The following MUC17 variants were observed in gnomAD, a reference collection of about 807,000 sequenced individuals.
The protein encoded by MUC17 is mucin-17.
A neutral mutation model predicts 170.3 loss-of-function variants in MUC17; 190 were observed. That is an observed-to-expected ratio of 1.12 (90% CI 0.99 to 1.26). MUC17 has a LOEUF of 1.26. Ranked by LOEUF, MUC17 falls within the 50% of genes most tolerant of loss-of-function variation. The probability of loss-of-function intolerance (pLI) is 0.00; values close to 1 mark genes in which losing one functional copy is unlikely to be tolerated. For synonymous variants in MUC17, 2,325 were observed against 2,002.5 expected, an observed-to-expected ratio of 1.16 and a Z score of -4.30; for missense variants, 6,415 against 5,530.0, an observed-to-expected ratio of 1.16 and a Z score of -5.08.
chr7:101,056,126 T>A, intron 11 of MUC17, 68 bp from the exon 12 acceptor site: 1 of 1,606,662 alleles, frequency 6.2e-7, no homozygotes, highest in Non-Finnish European at 8.5e-7. Flanking sequence ...CAGATGGGAT[T>A]AAAGGGAGAG....
In MUC17 at chr7:101,041,944, T is replaced by C. The variant is rs773238821; in HGVS notation, c.10528T>C (p.Ser3510Pro). The change falls in exon 3 of 13, where the codon TCA (serine) becomes CCA (proline). Residue 3510 changes from serine to proline, a missense_variant. Transcript: ENST00000306151. ...TTAEVTSMPT[S>P]TAGEGSTPLT... ...TGCTGAAGTTACCAGCATGCCAACA[T>C]CAACTGCTGGTGAAGGAAGCACTCC... 1.2e-6 allele frequency: 2 copies of C among 1,612,942 alleles called. No homozygotes were observed. The highest frequency in any genetic ancestry group is 1.3e-5 in the African/African-American group (1 of 74,494).
intron 12 of MUC17, among the ~76,000 whole-genome samples, chr7:101,057,238 C>T (rs1795061838): frequency 6.6e-6 from 1 of 152,184 alleles, no homozygotes; most frequent in Non-Finnish European, 1.5e-5. Context: ...GTGACCACTC[C>T]TTGATCACTG....
At chr7:101,027,589 C>CT (rs1272915521) in intron 1 of MUC17, among the ~76,000 whole-genome samples, 1 of 152,046 alleles carries the variant, frequency 6.6e-6, no homozygotes, top group Non-Finnish European at 1.5e-5. Flanking sequence ...CTTCATGTGT[C>CT]TTGTGTTTGG....
In MUC17 at chr7:101,031,191, T is replaced by C; in HGVS notation, c.154T>C (p.Cys52Arg). The change falls in exon 2 of 13, where the codon TGC (cysteine) becomes CGC (arginine). Residue 52 changes from cysteine (C) to arginine (R), a missense_variant. Transcript: ENST00000306151. ...ISQGDVLNRQ[C>R]QQLSQHVRTG... ...CCAAGGGGACGTCTTGAACCGTCAG[T>C]GCCAGCAGCTGTCTCAGCACGTTAG... 1 of 1,613,686 alleles carries C rather than the reference T, an allele frequency of 6.2e-7. No homozygotes were observed. The highest frequency in any genetic ancestry group is 1.1e-5 in the South Asian group (1 of 90,936).
chr7:101,043,817 C>T lies in MUC17; in HGVS notation c.12401C>T (p.Thr4134Ile), dbSNP rs1244274811. Reference sequence around the variant, plus strand: ...ACTCCTACTGTGCCAAGAACCACAACATGTAAGTGATTTCTTGAATTTTCC... The same window carrying T: ...ACTCCTACTGTGCCAAGAACCACAATATGTAAGTGATTTCTTGAATTTTCC... ...TSTPTVPRTT[T>I]CFGDGCQNTA... The change falls in exon 3 of 13, where the codon ACA becomes ATA. Residue 4134 changes from threonine (T) to isoleucine (I), a missense_variant and splice_region_variant. Coordinates refer to ENST00000306151, the MANE Select transcript of MUC17 (RefSeq NM_001040105.2). 6.3e-7 allele frequency: 1 copy of T among 1,583,024 alleles called. No homozygotes were observed. Among genetic ancestry groups the T allele is most frequent in the African/African-American group, 1.4e-5 (1 of 73,372 alleles).
Position 101,031,681 on chromosome 7 carries a change from C to A in MUC17, c.265C>A (p.Pro89Thr), listed in dbSNP as rs762702452. 3 of 1,602,298 alleles carry A rather than the reference C, an allele frequency of 1.9e-6. No individual in the cohort carries two copies. Among genetic ancestry groups the A allele is most frequent in the South Asian group, 1.1e-5 (1 of 89,208 alleles). ...PRMYLSCSTN[P>T]EMTSIESSVT... ...AATGTATTTGAGTTGCAGCACCAAC[C>A]CTGAGATGACCTCGATTGAGTCCAG... The change falls in exon 3 of 13, where the codon CCT becomes ACT. Residue 89 changes from proline (P) to threonine (T), a missense_variant. Physicochemically the swap from Pro to Thr is conservative, Grantham distance 38. Transcript: ENST00000306151.
In MUC17 at chr7:101,048,116, G is replaced by T. The variant is rs758740042; in HGVS notation, c.12535+1G>T. On this transcript the variant is annotated splice_donor_variant, in intron 4 of 12. Transcript: ENST00000306151. LOFTEE classifies it high-confidence loss of function. ...GAGGTGGTCAGCAGCATTGACATAG[G>T]TGAGTGCAACCCCAGGCCTTCCCCC... 6.3e-7 allele frequency: 1 copy of T among 1,588,794 alleles called. No individual in the cohort carries two copies. The highest frequency in any genetic ancestry group is 1.1e-5 in the South Asian group (1 of 87,354).
chr7:101,039,357 T>G lies in MUC17; in HGVS notation c.7941T>G (p.Ser2647Arg). 1.2e-6 allele frequency: 2 copies of G among 1,613,104 alleles called. No individual in the cohort carries two copies. The highest frequency in any genetic ancestry group is 1.7e-6 in the Non-Finnish European group (2 of 1,179,546). The change falls in exon 3 of 13, where the codon AGT (serine) becomes AGG (arginine). Residue 2647 changes from serine (S) to arginine (R), a missense_variant. Ser to Arg is a moderately radical substitution (Grantham distance 110). Transcript: ENST00000306151. ...SILVSTMPVA[S>R]SEASTLSTTP... The stretch of plus-strand genomic sequence containing the variant: ...TTGTCAGCACCATGCCAGTGGCCAG[T>G]TCTGAGGCTAGCACCCTTTCAACAA...
rs1287477245 is a variant in MUC17, at chr7:101,041,083, C to G, written c.9667C>G (p.Pro3223Ala). The change falls in exon 3 of 13, where the codon CCA becomes GCA. Residue 3223 changes from proline to alanine, a missense_variant. Coordinates refer to ENST00000306151, the MANE Select transcript of MUC17 (RefSeq NM_001040105.2). ...CTCAACTCCTAGTGAAGGAATGACT[C>G]CATTAACTAGTGTACCTGTCAGCAA... is the stretch of plus-strand genomic sequence containing the variant. ...PTSTPSEGMT[P>A]LTSVPVSNTP... 3 of 1,613,778 alleles carry G rather than the reference C, an allele frequency of 1.9e-6. No homozygotes were observed. The highest frequency in any genetic ancestry group is 2.5e-6 in the Non-Finnish European group (3 of 1,179,996).
intron 1 of MUC17, among the ~76,000 whole-genome samples, chr7:101,027,038 A>G (rs1794192952): frequency 6.6e-6 from 1 of 151,964 alleles, no homozygotes; most frequent in South Asian, 2.1e-4. Flanking sequence ...TCATTATTGA[A>G]AGATAATATG....
rs1562819397 is a variant in MUC17 at position 101,043,073 on chromosome 7, C to T, written c.11657C>T (p.Pro3886Leu). 1 of 1,614,192 alleles carries T rather than the reference C, an allele frequency of 6.2e-7. No homozygotes were observed. Among genetic ancestry groups the T allele is most frequent in the East Asian group, 2.2e-5 (1 of 44,890 alleles). ...LTTLLVSTTLPTSFPGASIAS... is the reference protein window; with the variant it reads ...LTTLLVSTTLLTSFPGASIAS... ...ACTCTCCTTGTCAGCACCACACTTCCAACTAGCTTTCCTGGGGCCAGCATA... is the reference window on the plus strand; with the variant it reads ...ACTCTCCTTGTCAGCACCACACTTCTAACTAGCTTTCCTGGGGCCAGCATA... The change falls in exon 3 of 13, where the codon CCA (proline) becomes CTA (leucine). Residue 3886 changes from proline (P) to leucine (L), a missense_variant. Pro to Leu is a moderately conservative substitution (Grantham distance 98). Transcript: ENST00000306151.
At position 101,040,056 on chromosome 7, in the gene MUC17, G is replaced by T; in HGVS notation, c.8640G>T (p.Pro2880=). Residue 2880 remains proline (P), a synonymous_variant, in exon 3 of 13, where the codon CCG becomes CCT. Coordinates refer to ENST00000306151, the MANE Select transcript of MUC17 (RefSeq NM_001040105.2). ...CAAGTATACCTGTCAGCACCACGCC[G>T]GTGGCCAGTTCTGAGGCTAGCACCC... ...LLTSIPVSTT[P]VASSEASTLS... 6.4e-7 allele frequency: 1 copy of T among 1,566,466 alleles called. No homozygotes were observed. Among genetic ancestry groups the T allele is most frequent in the Non-Finnish European group, 8.6e-7 (1 of 1,158,258 alleles).
intron 3 of MUC17, among the ~76,000 whole-genome samples, chr7:101,047,095 A>AAAATAAATAAAT (rs57775219): frequency 0.11 from 15,773 of 146,806 alleles, 1,004 homozygotes; most frequent in African/African-American, 0.16. Context: ...AAAAAAAATT[A>AAAATAAATAAAT]AAATAAATAA....
Position 101,031,870 on chromosome 7 carries a change from C to T in MUC17, c.454C>T (p.Pro152Ser). ...PEGTDVPMST[P>S]SEESISSTMA... ...AGGCACCGACGTGCCCATGTCAACA[C>T]CAAGTGAAGAAAGCATTTCATCAAC... The change falls in exon 3 of 13, where the codon CCA (proline) becomes TCA (serine). Residue 152 changes from proline (P) to serine (S), a missense_variant. Transcript: ENST00000306151. The T allele has an allele frequency of 6.2e-7, 1 of 1,614,168 alleles. No homozygotes were observed.
At position 101,055,071 on chromosome 7, in the gene MUC17, A is replaced by G. The variant is rs540656622; in HGVS notation, c.13364-1123A>G. 2.0e-4 allele frequency among the ~76,000 whole-genome samples: 30 copies of G among 151,452 alleles called. No individual in the cohort carries two copies. In the South Asian group the frequency reaches 6.1e-3, roughly 31 times the overall value. ...TGCAGTGAGCTGAAATCGCACCACT[A>G]CACTCCAGCCTGGGCAACAGAGCAA... On this transcript the variant is annotated intron_variant, in intron 11 of 12. Coordinates refer to ENST00000306151, the MANE Select transcript of MUC17 (RefSeq NM_001040105.2).
In MUC17 at chr7:101,034,441, G is replaced by C; in HGVS notation, c.3025G>C (p.Asp1009His). 6.2e-7 allele frequency: 1 copy of C among 1,608,062 alleles called. No individual in the cohort carries two copies. The highest frequency in any genetic ancestry group is 8.5e-7 in the Non-Finnish European group (1 of 1,177,024). ...EASTLSTTPV[D>H]SNTPLTTSTE... ...TAGCACCCTTTCAACAACTCCTGTTGACTCCAACACTCCTTTGACCACTTC... is the reference window on the plus strand; with the variant it reads ...TAGCACCCTTTCAACAACTCCTGTTCACTCCAACACTCCTTTGACCACTTC... Residue 1009 changes from aspartate (D) to histidine (H), a missense_variant, in exon 3 of 13, where the codon GAC becomes CAC. Physicochemically the swap from Asp to His is moderately conservative, Grantham distance 81. Transcript: ENST00000306151.
rs534922898 is a variant in MUC17, at chr7:101,030,980, A to T, written c.83-140A>T. On this transcript the variant is annotated intron_variant, in intron 1 of 12. Coordinates refer to ENST00000306151, the MANE Select transcript of MUC17 (RefSeq NM_001040105.2). ...CTTTACTTTCTGGGGCAGGGTCCTG[A>T]TGGCTGATTTCTAACTAAAATCAGC... The T allele has an allele frequency of 6.6e-4, 701 of 1,065,260 alleles. 1 individual carries two copies. Among genetic ancestry groups the T allele is most frequent in the Non-Finnish European group, 7.7e-4 (586 of 764,872 alleles). The allele number at this position is 1,065,260 out of a possible 1,614,324, so 66.0% of individuals were successfully genotyped here. A position where few individuals can be genotyped will look rare whatever the true frequency, so the allele number is the denominator to read the frequency against.
Position 101,041,844 on chromosome 7 carries a change from C to G in MUC17, c.10428C>G (p.Ser3476Arg). 6.2e-7 allele frequency: 1 copy of G among 1,614,082 alleles called. No individual in the cohort carries two copies. ...CGCCGGTGGCCAGTTCTGAGGCTAGCACCCTTTCAACAACTCCTGTTGACA... is the reference window on the plus strand; with the variant it reads ...CGCCGGTGGCCAGTTCTGAGGCTAGGACCCTTTCAACAACTCCTGTTGACA... The part of the protein sequence containing the change: ...STTPVASSEA[S>R]TLSTTPVDTS... Residue 3476 changes from serine to arginine, a missense_variant, in exon 3 of 13, where the codon AGC becomes AGG. Physicochemically the swap from Ser to Arg is moderately radical, Grantham distance 110 (BLOSUM62 -1). Transcript: ENST00000306151.
rs764795635 is a variant in MUC17 at position 101,038,626 on chromosome 7, G to A, written c.7210G>A (p.Val2404Ile). ...AAGCACTCCACTAACAAGTGTGCCT[G>A]TCAGCACCATGCCGGTGGTCAGTTC... is the stretch of plus-strand genomic sequence containing the variant. ...EGSTPLTSVP[V>I]STMPVVSSEA... is the part of the protein sequence containing the mutation. The change falls in exon 3 of 13, where the codon GTC becomes ATC. Residue 2404 changes from valine to isoleucine, a missense_variant. Coordinates refer to ENST00000306151, the MANE Select transcript of MUC17 (RefSeq NM_001040105.2). The A allele has an allele frequency of 1.9e-6, 3 of 1,614,090 alleles. No homozygotes were observed. In the East Asian group the frequency reaches 6.7e-5, roughly 36 times the overall value.
Sources: allele counts gnomAD v4.1 joint callset (sites outside exome capture counted in the v4.1 genomes callset), GRCh38; gene constraint gnomAD v4.1.1; transcripts MANE v1.5; gene names NCBI Gene and HGNC (gene_info 2026-07-23, HGNC 2026-07-21).